EBF4: variants seen among roughly 807,000 people sequenced by gnomAD.
EBF4 encodes transcription factor COE4.
In EBF4, 34 loss-of-function variants were observed where a neutral mutation model predicts 67.1. That is an observed-to-expected ratio of 0.51 (90% CI 0.39 to 0.67). The LOEUF (loss-of-function observed/expected upper bound fraction) is 0.67, where lower values mean the gene tolerates loss of function less well. Among genes scored for constraint, EBF4 ranks in the 30% least tolerant of loss-of-function variants. EBF4 has a pLI of 0.00. For missense variants in EBF4, 837 were observed against 873.3 expected, an observed-to-expected ratio of 0.96 and a Z score of 0.52; for synonymous variants, 387 against 377.7, an observed-to-expected ratio of 1.02 and a Z score of -0.29.
At chr20:2,709,184 C>A (rs2087503104) in intron 5 of EBF4, among the ~76,000 whole-genome samples, 1 of 151,914 alleles carries the variant, frequency 6.6e-6, no homozygotes, top group African/African-American at 2.4e-5. Context: ...GAGACTCTGT[C>A]TCAAAAAAAA....
chr20:2,721,899 A>G (rs369263300), intron 6 of EBF4, among the ~76,000 whole-genome samples: 2 of 152,174 alleles, frequency 1.3e-5, no homozygotes, highest in South Asian at 2.1e-4. Flanking sequence ...TTTTTTAAGC[A>G]TCTTGGCATG....
At position 2,745,006 on chromosome 20, in the gene EBF4, C is replaced by T. The variant is rs1210663264; in HGVS notation, c.558-3543C>T. 6.6e-6 allele frequency among the ~76,000 whole-genome samples: 1 copy of T among 152,172 alleles called. No homozygotes were observed. The highest frequency in any genetic ancestry group is 2.4e-5 in the African/African-American group (1 of 41,456). ...TTACACTTACAGCACATCTCAAGTT[C>T]GGACTAGCCACACTGCAAGGGTTCA... On this transcript the variant is annotated intron_variant, in intron 6 of 16. Transcript: ENST00000609451. This position sits in a 1 kb window ranked among gnomAD's most constrained non-coding sequence, Gnocchi z 5.2.
intron 15 of EBF4, among the ~76,000 whole-genome samples, chr20:2,757,271 C>T (rs889647793): frequency 2.0e-5 from 3 of 152,210 alleles, no homozygotes; most frequent in Non-Finnish European, 4.4e-5. Context: ...ATGTCCGCAG[C>T]GTCCCACAGA....
intron 1 of EBF4, among the ~76,000 whole-genome samples, chr20:2,694,354 C>T (rs1481742024): frequency 6.6e-6 from 1 of 152,166 alleles, no homozygotes; most frequent in Non-Finnish European, 1.5e-5. Context: ...GGGCAGGGCC[C>T]CTGCCTTTCC....
At chr20:2,757,250 G>A (rs2088259249) in intron 15 of EBF4, among the ~76,000 whole-genome samples, 1 of 152,242 alleles carries the variant, frequency 6.6e-6, no homozygotes, top group Non-Finnish European at 1.5e-5. Context: ...GAGAACAACT[G>A]AGGATGATAC....
chr20:2,707,880 CTG>C lies in EBF4; in HGVS notation c.415-64_415-63del. 6.9e-7 allele frequency: 1 copy of C among 1,455,648 alleles called. No individual in the cohort carries two copies. Among genetic ancestry groups the C allele is most frequent in the Non-Finnish European group, 9.3e-7 (1 of 1,076,878 alleles). The allele number at this position is 1,455,648 out of a possible 1,614,324, so 90.2% of individuals were successfully genotyped here. ...TAGGCTTGGGAGATGCCAGGTCCGT[CTG>C]TGCTGCCACCTGCACCTCAGAGGAG... On this transcript the variant is annotated intron_variant, in intron 4 of 16. Coordinates refer to ENST00000609451, the Ensembl canonical transcript of EBF4. This position sits in a 1 kb window ranked among gnomAD's most constrained non-coding sequence, Gnocchi z 4.6.
In EBF4 at chr20:2,755,960, C is replaced by A; in HGVS notation, c.1738+136C>A. ...CCTGCTCTTCTTGGAGGACGGAGAG[C>A]AGGGAGCTCTGCTGGGGTCCAGGGA... On this transcript the variant is annotated intron_variant, in intron 15 of 16. Coordinates refer to ENST00000609451, the Ensembl canonical transcript of EBF4. This position sits in a 1 kb window ranked among gnomAD's most constrained non-coding sequence, Gnocchi z 4.7. 1.0e-6 allele frequency: 1 copy of A among 955,278 alleles called. No individual in the cohort carries two copies. The highest frequency in any genetic ancestry group is 1.5e-6 in the Non-Finnish European group (1 of 658,730). 59.2% of individuals were successfully genotyped at this position (955,278 alleles called of 1,614,324 possible). A position where few individuals can be genotyped will look rare whatever the true frequency, so the allele number is the denominator to read the frequency against.
At chr20:2,725,348 A>G (rs1181718872) in intron 6 of EBF4, among the ~76,000 whole-genome samples, 1 of 152,026 alleles carries the variant, frequency 6.6e-6, no homozygotes, top group African/African-American at 2.4e-5. Flanking sequence ...AATTTATCCC[A>G]TGAGTTTTTT....
chr20:2,695,260 T>C (rs2087271807), intron 1 of EBF4, among the ~76,000 whole-genome samples: 3 of 152,134 alleles, frequency 2.0e-5, no homozygotes, highest in Admixed American at 2.0e-4. Context: ...TAAGGTTCCA[T>C]TTCTCTGCAA....
At position 2,719,693 on chromosome 20, in the gene EBF4, C is replaced by T. The variant is rs539770192; in HGVS notation, c.557+10051C>T. Among the ~76,000 whole-genome samples the T allele has an allele frequency of 1.6e-4, 24 of 152,316 alleles. No homozygotes were observed. In the East Asian group the frequency reaches 3.3e-3, roughly 21 times the overall value. ...GTACTGGGATTAAAGGCGTGAGTCA[C>T]CATGCCCAGCCCTTCATTATTAATT... is the stretch of plus-strand genomic sequence containing the variant. On this transcript the variant is annotated intron_variant, in intron 6 of 16. Coordinates refer to ENST00000609451, the Ensembl canonical transcript of EBF4.
At chr20:2,748,740 G>T (rs1464961247) in intron 7 of EBF4, 110 bp downstream of exon 7, 2 of 1,259,050 alleles carry the variant, frequency 1.6e-6, no homozygotes, top group Non-Finnish European at 2.2e-6. Context: ...GGCCTCCAAG[G>T]CAGATCTCTG....
rs1194008703 is a variant in EBF4 at position 2,755,893 on chromosome 20, G to A, written c.1738+69G>A. 8 of 1,417,070 alleles carry A rather than the reference G, an allele frequency of 5.6e-6. No individual in the cohort carries two copies. Among genetic ancestry groups the A allele is most frequent in the Admixed American group, 4.2e-5 (2 of 47,836 alleles). 87.8% of individuals were successfully genotyped at this position (1,417,070 alleles called of 1,614,324 possible). On this transcript the variant is annotated intron_variant, in intron 15 of 16. Transcript: ENST00000609451. This position sits in a 1 kb window ranked among gnomAD's most constrained non-coding sequence, Gnocchi z 4.7. Reference sequence around the variant, plus strand: ...CTTGTGGAGCAGCTGGGCTACAGGGGCCTGCTCTGTCCACATCTCACCAGT... The same window carrying A: ...CTTGTGGAGCAGCTGGGCTACAGGGACCTGCTCTGTCCACATCTCACCAGT...
intron 6 of EBF4, among the ~76,000 whole-genome samples, chr20:2,738,831 G>A (rs1363167792): frequency 1.3e-5 from 2 of 152,210 alleles, no homozygotes; most frequent in African/African-American, 4.8e-5. Context: ...AATTGTGCAT[G>A]CAAATGCATG....
In EBF4 at chr20:2,696,333, G is replaced by T. The variant is rs115341048; in HGVS notation, c.137+2551G>T. Among the ~76,000 whole-genome samples, 575 of 152,216 alleles carry T rather than the reference G, an allele frequency of 3.8e-3. 6 individuals carry two copies. The highest frequency in any genetic ancestry group is 0.012 in the African/African-American group (518 of 41,526). ...CTAATAATACAAAAATTAGCTGGGCGTGGTGAAGCATGCTTGTAGTGCCAG... is the reference window on the plus strand; with the variant it reads ...CTAATAATACAAAAATTAGCTGGGCTTGGTGAAGCATGCTTGTAGTGCCAG... On this transcript the variant is annotated intron_variant, in intron 1 of 16. Coordinates refer to ENST00000609451, the Ensembl canonical transcript of EBF4. The surrounding 1 kb of genome is among the most constrained non-coding windows in gnomAD (Gnocchi z 4.7).
intron 6 of EBF4, among the ~76,000 whole-genome samples, chr20:2,732,353 T>C (rs2087824820): frequency 6.6e-6 from 1 of 152,178 alleles, no homozygotes. Context: ...AGCTCCTGGA[T>C]TCAAGCAATC....
intron 6 of EBF4, among the ~76,000 whole-genome samples, chr20:2,722,605 A>C (rs1312670518): frequency 6.6e-6 from 1 of 152,164 alleles, no homozygotes; most frequent in Non-Finnish European, 1.5e-5. Context: ...GTCTGCTGGG[A>C]AGTGCCTCAG....
chr20:2,744,083 T>TA (rs1555788754), intron 6 of EBF4, among the ~76,000 whole-genome samples: 1 of 125,804 alleles, frequency 7.9e-6, no homozygotes, highest in Non-Finnish European at 1.6e-5. Flanking sequence ...TTATTTTTTT[T>TA]ATTTTTTTTT....
At chr20:2,705,710 A>G (rs940834569) in exon 2 of EBF4, 7 of 1,551,004 alleles carry the variant, frequency 4.5e-6, no homozygotes, top group Non-Finnish European at 6.1e-6. Flanking sequence ...CACAGCCTTC[A>G]TCGACTTCGT....
chr20:2,728,521 C>T (rs939591437), intron 6 of EBF4, among the ~76,000 whole-genome samples: 2 of 151,952 alleles, frequency 1.3e-5, no homozygotes, highest in African/African-American at 4.8e-5. Context: ...AAAAGAGGTT[C>T]GGGGGCGGGG....
Sources: gnomAD v4.1 joint callset for allele counts (sites outside exome capture counted in the v4.1 genomes callset) on GRCh38, gnomAD v4.1.1 for gene constraint, Gnocchi (gnomAD v3.1) non-coding constraint, MANE v1.5 for transcripts, NCBI Gene and HGNC (gene_info 2026-07-23, HGNC 2026-07-21) for gene names.